The following PRKD1 variants were observed in gnomAD, a reference collection of about 807,000 sequenced individuals.
The protein encoded by PRKD1 is protein kinase D1, also known as serine/threonine-protein kinase D1.
Under a neutral mutation model 95.9 loss-of-function variants are expected in PRKD1, and 63 were observed. That is an observed-to-expected ratio of 0.66 (90% CI 0.54 to 0.81). The LOEUF is 0.81. Ranked by LOEUF, PRKD1 falls within the 30% of genes least tolerant of loss-of-function variation. The probability of loss-of-function intolerance (pLI) is 0.00; values close to 1 mark genes in which losing one functional copy is unlikely to be tolerated. For synonymous variants in PRKD1, 425 were observed against 423.1 expected (o/e 1.00, Z -0.05); for missense variants, 1,048 against 1,165.3 (o/e 0.90, Z 1.47).
intron 1 of PRKD1, among the ~76,000 whole-genome samples, chr14:29,735,056 A>G (rs1360628337): frequency 6.6e-6 from 1 of 152,092 alleles, no homozygotes; most frequent in Non-Finnish European, 1.5e-5. Context: ...TAAATTTTGT[A>G]TTGTTTTCCT....
intron 1 of PRKD1, among the ~76,000 whole-genome samples, chr14:29,914,774 TTTC>T (rs1400297285): frequency 1.3e-5 from 2 of 150,832 alleles, no homozygotes; most frequent in Admixed American, 6.6e-5. Flanking sequence ...GCACTTTTCT[TTTC>T]TTTTTTTTTT....
intron 2 of PRKD1, among the ~76,000 whole-genome samples, chr14:29,712,432 T>C (rs1594450819): frequency 1.3e-5 from 2 of 152,240 alleles, no homozygotes; most frequent in East Asian, 3.9e-4. Flanking sequence ...GCCAGAAATT[T>C]TTCATTTTCT....
At chr14:29,759,839 C>T (rs1343787793) in intron 1 of PRKD1, among the ~76,000 whole-genome samples, 3 of 152,136 alleles carry the variant, frequency 2.0e-5, no homozygotes, top group African/African-American at 4.8e-5. Context: ...TCATATGGAA[C>T]ATTCTGTATG....
intron 1 of PRKD1, among the ~76,000 whole-genome samples, chr14:29,757,602 T>C (rs891882335): frequency 6.6e-6 from 1 of 151,836 alleles, no homozygotes; most frequent in African/African-American, 2.4e-5. Context: ...CATTTTATTG[T>C]GGACATAAAA....
chr14:29,618,258 A>T (rs1220500393), intron 13 of PRKD1, among the ~76,000 whole-genome samples: 6 of 145,536 alleles, frequency 4.1e-5, no homozygotes, highest in Admixed American at 6.9e-5. Context: ...ATCTACATTC[A>T]TTTTTTTTTT....
chr14:29,709,413 C>G (rs1167705437), intron 2 of PRKD1, among the ~76,000 whole-genome samples: 1 of 152,062 alleles, frequency 6.6e-6, no homozygotes, highest in Admixed American at 6.6e-5. Flanking sequence ...CGAGAAGGCA[C>G]AGAGTCAGGG....
intron 3 of PRKD1, among the ~76,000 whole-genome samples, chr14:29,664,986 C>T (rs547070686): frequency 3.9e-5 from 6 of 152,114 alleles, no homozygotes; most frequent in South Asian, 4.2e-4. Flanking sequence ...TATTTTTAGT[C>T]GGCTGATAAA....
intron 16 of PRKD1, among the ~76,000 whole-genome samples, chr14:29,580,055 T>C (rs956868641): frequency 1.3e-5 from 2 of 152,138 alleles, no homozygotes; most frequent in South Asian, 2.1e-4. Context: ...TTATGTGCTA[T>C]TGCAAGCTTG....
At chr14:29,600,090 A>T (rs1189994762) in intron 13 of PRKD1, among the ~76,000 whole-genome samples, 1 of 152,226 alleles carries the variant, frequency 6.6e-6, no homozygotes, top group Non-Finnish European at 1.5e-5. Context: ...GGTTTTAATT[A>T]GAATACCATA....
At chr14:29,634,721 G>C (rs1163202172) in intron 7 of PRKD1, among the ~76,000 whole-genome samples, 180 bp from the exon 8 acceptor site, 1 of 152,070 alleles carries the variant, frequency 6.6e-6, no homozygotes, top group Non-Finnish European at 1.5e-5. Flanking sequence ...AAGAGTGATA[G>C]GCACGTTGTT....
intron 1 of PRKD1, among the ~76,000 whole-genome samples, chr14:29,892,910 A>C (rs1025942527): frequency 6.6e-6 from 1 of 152,218 alleles, no homozygotes; most frequent in Admixed American, 6.5e-5. Context: ...CATCAAACTT[A>C]TGTTGGAATT....
At chr14:29,796,004 A>C (rs1889799197) in intron 1 of PRKD1, among the ~76,000 whole-genome samples, 1 of 152,130 alleles carries the variant, frequency 6.6e-6, no homozygotes, top group Non-Finnish European at 1.5e-5. Flanking sequence ...TATAAATGCT[A>C]TACTCTTCTT....
intron 13 of PRKD1, among the ~76,000 whole-genome samples, chr14:29,623,456 A>C (rs1003751798): frequency 1.3e-5 from 2 of 152,206 alleles, no homozygotes; most frequent in African/African-American, 4.8e-5. Context: ...AGAAGTAAAA[A>C]ATTATGGCAG....
At chr14:29,765,335 T>C (rs1021648500) in intron 1 of PRKD1, among the ~76,000 whole-genome samples, 1 of 152,038 alleles carries the variant, frequency 6.6e-6, no homozygotes, top group African/African-American at 2.4e-5. Flanking sequence ...AAAATAAAAC[T>C]ACAATTAATG....
At chr14:29,853,850 C>A (rs1166364861) in intron 1 of PRKD1, among the ~76,000 whole-genome samples, 1 of 152,068 alleles carries the variant, frequency 6.6e-6, no homozygotes, top group Non-Finnish European at 1.5e-5. Context: ...CTCATGAGAT[C>A]TGATGGTTTT....
At chr14:29,770,552 T>C (rs1888454795) in intron 1 of PRKD1, among the ~76,000 whole-genome samples, 1 of 152,148 alleles carries the variant, frequency 6.6e-6, no homozygotes, top group Non-Finnish European at 1.5e-5. Context: ...GTATTGGAAA[T>C]GGAAGCAAAG....
rs1283762096 is a variant in PRKD1 at position 29,638,908 on chromosome 14, C to A, written c.697-4G>T. 5 of 1,613,514 alleles carry A rather than the reference C, an allele frequency of 3.1e-6. No homozygotes were observed. The highest frequency in any genetic ancestry group is 4.2e-6 in the Non-Finnish European group (5 of 1,179,522). On this transcript the variant is annotated splice_region_variant and splice_polypyrimidine_tract_variant and intron_variant, in intron 4 of 17. Coordinates refer to ENST00000331968, the MANE Select transcript of PRKD1 (RefSeq NM_002742.3). ...ACGACTCTGATGGTGATTTTTGCTA[C>A]ATTTTGGAAAACAATAAAGGAAGCA...
At chr14:29,877,685 A>G (rs1214096606) in intron 1 of PRKD1, among the ~76,000 whole-genome samples, 1 of 152,228 alleles carries the variant, frequency 6.6e-6, no homozygotes, top group Non-Finnish European at 1.5e-5. Flanking sequence ...AAAGAGGTCC[A>G]GTTTCACTCT....
At chr14:29,861,491 A>C (rs777074084) in intron 1 of PRKD1, among the ~76,000 whole-genome samples, 1 of 152,240 alleles carries the variant, frequency 6.6e-6, no homozygotes. Flanking sequence ...CATGCAATGC[A>C]TAATAATCAC....
Sources: allele counts gnomAD v4.1 joint callset (sites outside exome capture counted in the v4.1 genomes callset), GRCh38; gene constraint gnomAD v4.1.1; transcripts MANE v1.5; gene names NCBI Gene and HGNC (gene_info 2026-07-23, HGNC 2026-07-21).